The following ADGRA3 variants were observed in gnomAD, a reference collection of about 807,000 sequenced individuals.
The protein encoded by ADGRA3 is G-protein coupled receptor 125.
ADGRA3 carries 56 observed loss-of-function variants against 119.8 expected under a neutral mutation model. The ratio of observed to expected loss-of-function variants is 0.47; its 90% CI spans 0.38 to 0.58. The LOEUF (loss-of-function observed/expected upper bound fraction) is 0.58, where lower values mean the gene tolerates loss of function less well. Ranked by LOEUF, ADGRA3 falls within the 20% of genes least tolerant of loss-of-function variation. ADGRA3 has a pLI of 0.00. For missense variants in ADGRA3, 1,516 were observed against 1,649.0 expected (o/e 0.92, Z 1.40); for synonymous variants, 607 against 623.8 (o/e 0.97, Z 0.40).
intron 10 of ADGRA3, among the ~76,000 whole-genome samples, chr4:22,426,739 A>G (rs1715949701): frequency 6.6e-6 from 1 of 152,204 alleles, no homozygotes; most frequent in Admixed American, 6.5e-5. Flanking sequence ...CTCAAGGGGT[A>G]CTTCCCCCCA....
At chr4:22,513,118 C>A (rs73114201) in intron 1 of ADGRA3, among the ~76,000 whole-genome samples, 4,513 of 151,684 alleles carry the variant, frequency 0.03, 221 homozygotes, top group African/African-American at 0.1. Context: ...TACCTTGAAC[C>A]CTCTTCAGCC....
intron 1 of ADGRA3, among the ~76,000 whole-genome samples, chr4:22,507,579 T>C (rs180894508): frequency 3.3e-5 from 5 of 152,308 alleles, no homozygotes; most frequent in African/African-American, 4.8e-5. Context: ...AACATTATCA[T>C]ATTCGTTTGT....
chr4:22,442,430 TTCTTTGAAATTAAG>T (rs200832641), intron 7 of ADGRA3, among the ~76,000 whole-genome samples: 1,721 of 152,280 alleles, frequency 0.011, 47 homozygotes, highest in East Asian at 0.051. Flanking sequence ...TTTCTAAAGT[TTCTTTGAAATTAAG>T]TCTTTTCTTT....
rs772668340 is a variant in ADGRA3, at chr4:22,387,661, G to A, written c.*44C>T. 9 of 1,535,856 alleles carry A rather than the reference G, an allele frequency of 5.9e-6. No individual in the cohort carries two copies. In the South Asian group the frequency reaches 6.3e-5, roughly 11 times the overall value. ...ATGCTCATAGCTTCAAGGAATGTGA[G>A]TATCACAGTTTATATGAATTTCTGC... On this transcript the variant is annotated 3_prime_UTR_variant, in exon 19 of 19. Transcript: ENST00000334304.
At chr4:22,463,364 T>C (rs969097817) in intron 2 of ADGRA3, among the ~76,000 whole-genome samples, 12 of 152,226 alleles carry the variant, frequency 7.9e-5, no homozygotes, top group African/African-American at 2.9e-4. Context: ...AAGTAGACCC[T>C]GGACCACTGG....
chr4:22,409,006 C>G (rs1715073673), intron 14 of ADGRA3, among the ~76,000 whole-genome samples: 1 of 152,124 alleles, frequency 6.6e-6, no homozygotes, highest in Non-Finnish European at 1.5e-5. Flanking sequence ...GAACCTGACA[C>G]AAGTGTACAT....
chr4:22,455,788 C>T (rs1431215661), intron 3 of ADGRA3: 1 of 1,284,068 alleles, frequency 7.8e-7, no homozygotes, highest in Non-Finnish European at 1.0e-6. Flanking sequence ...GAGATAACCA[C>T]TGACAATATC....
chr4:22,483,830 A>AGAG (rs947888356), intron 1 of ADGRA3, among the ~76,000 whole-genome samples: 1 of 152,232 alleles, frequency 6.6e-6, no homozygotes, highest in Non-Finnish European at 1.5e-5. Flanking sequence ...AATTAAAGGC[A>AGAG]GAGAAATATC....
intron 7 of ADGRA3, among the ~76,000 whole-genome samples, chr4:22,441,993 G>C (rs1188519150): frequency 1.3e-5 from 2 of 152,102 alleles, no homozygotes; most frequent in Non-Finnish European, 2.9e-5. Context: ...CTGGCAGAGA[G>C]TCTGAAAACT....
At position 22,417,385 on chromosome 4, in the gene ADGRA3, G is replaced by GC. The variant is rs1400255367; in HGVS notation, c.1809+3500dup. ...GTCTAACAAAGGAGAGATAACAACA[G>GC]CAACAAAACAGTAAGAGCTAATACT... is the stretch of plus-strand genomic sequence containing the variant. On this transcript the variant is annotated intron_variant, in intron 12 of 18. Coordinates refer to ENST00000334304, the MANE Select transcript of ADGRA3 (RefSeq NM_145290.4). 2.0e-5 allele frequency among the ~76,000 whole-genome samples: 3 copies of GC among 152,232 alleles called. No homozygotes were observed. The East Asian group carries it at 5.8e-4, about 29-fold the overall frequency.
chr4:22,409,197 A>G lies in ADGRA3; in HGVS notation c.2232+3985T>C, dbSNP rs552835763. ...GTAAAAATATAACCAATATTTGTGC[A>G]CTTTGCTCAATACCTCAATTTAAAC... On this transcript the variant is annotated intron_variant, in intron 14 of 18. Coordinates refer to ENST00000334304, the MANE Select transcript of ADGRA3 (RefSeq NM_145290.4). Among the ~76,000 whole-genome samples the G allele has an allele frequency of 2.6e-5, 4 of 152,306 alleles. No individual in the cohort carries two copies. In the South Asian group the frequency reaches 8.3e-4, roughly 32 times the overall value.
chr4:22,429,501 G>A (rs1328284627), intron 10 of ADGRA3, among the ~76,000 whole-genome samples: 1 of 152,054 alleles, frequency 6.6e-6, no homozygotes, highest in Non-Finnish European at 1.5e-5. Flanking sequence ...GCCAACACAG[G>A]GTACCAGGAA....
intron 1 of ADGRA3, among the ~76,000 whole-genome samples, chr4:22,481,955 A>G (rs1011766817): frequency 2.0e-5 from 3 of 152,242 alleles, no homozygotes; most frequent in Non-Finnish European, 4.4e-5. Flanking sequence ...ATAATTCTTC[A>G]TATTAAAATT....
Position 22,388,207 on chromosome 4 carries a change from A to G in ADGRA3, c.3464T>C (p.Val1155Ala), listed in dbSNP as rs1272124406. Residue 1155 changes from valine to alanine, a missense_variant, in exon 19 of 19, where the codon GTG becomes GCG. Val to Ala is a moderately conservative substitution (Grantham distance 64). This residue lies in a region of ADGRA3 where 1,088 missense variants were observed against 1,107.1 expected (regional missense o/e 0.98). Transcript: ENST00000334304. Reference protein sequence around the residue: ...HSMDNDIKMHVAPLEVQFRTN... With the variant: ...HSMDNDIKMHAAPLEVQFRTN... ...TCGAAACTGAACTTCTAAAGGCGCCACGTGCATTTTAATATCATTGTCCAT... is the reference window on the plus strand; with the variant it reads ...TCGAAACTGAACTTCTAAAGGCGCCGCGTGCATTTTAATATCATTGTCCAT... The G allele has an allele frequency of 1.9e-6, 3 of 1,613,990 alleles. No homozygotes were observed. The African/African-American group carries it at 4.0e-5, about 22-fold the overall frequency.
chr4:22,424,301 G>A lies in ADGRA3; in HGVS notation c.1495C>T (p.Arg499Cys), dbSNP rs551038567. The change falls in exon 11 of 19, where the codon CGT (arginine) becomes TGT (cysteine). Residue 499 changes from arginine to cysteine, a missense_variant. By Grantham distance (180) the Arg-to-Cys change is radical (BLOSUM62 -3). Transcript: ENST00000334304. ...TCCCTCTGCGCCAGCCACAGGACAC[G>A]TTCATCAGCCAACATGATGTTACTT... The part of the protein sequence containing the change: ...IASNIMLADE[R>C]VLWLAQREAK... The A allele has an allele frequency of 8.1e-6, 13 of 1,613,862 alleles. No homozygotes were observed. Among genetic ancestry groups the A allele is most frequent in the South Asian group, 5.5e-5 (5 of 91,056 alleles).
intron 7 of ADGRA3, among the ~76,000 whole-genome samples, chr4:22,442,206 T>C (rs1035898092): frequency 3.9e-5 from 6 of 152,292 alleles, no homozygotes; most frequent in Middle Eastern, 3.4e-3. Flanking sequence ...ACACCAATTA[T>C]GAGGTTGATA....
intron 3 of ADGRA3, among the ~76,000 whole-genome samples, chr4:22,459,667 G>A (rs906830122): frequency 2.0e-5 from 3 of 151,216 alleles, no homozygotes; most frequent in East Asian, 1.9e-4. Context: ...CACTGGAGGC[G>A]GAAAAAAAAA....
chr4:22,465,266 T>C (rs1208605453), intron 2 of ADGRA3, among the ~76,000 whole-genome samples: 1 of 152,186 alleles, frequency 6.6e-6, no homozygotes, highest in Non-Finnish European at 1.5e-5. Flanking sequence ...ATGGTACAGG[T>C]AGTACCCCCA....
intron 7 of ADGRA3, among the ~76,000 whole-genome samples, chr4:22,441,387 T>C (rs1464985870): frequency 2.0e-5 from 3 of 152,156 alleles, no homozygotes; most frequent in Non-Finnish European, 2.9e-5. Context: ...TAGGAGAATA[T>C]AACAGAATCC....
Sources: gnomAD v4.1 joint callset for allele counts (sites outside exome capture counted in the v4.1 genomes callset) on GRCh38, gnomAD v4.1.1 for gene constraint, gnomAD v4.1.1 regional missense constraint, MANE v1.5 for transcripts, NCBI Gene and HGNC (gene_info 2026-07-23, HGNC 2026-07-21) for gene names.